FMN2: variants seen among roughly 807,000 people sequenced by gnomAD.
The protein encoded by FMN2 is formin-2.
FMN2 carries 51 observed loss-of-function variants against 142.3 expected under a neutral mutation model. That is an observed-to-expected ratio of 0.36 (90% CI 0.29 to 0.45). The LOEUF (loss-of-function observed/expected upper bound fraction) is 0.45, where lower values mean the gene tolerates loss of function less well. Ranked by LOEUF, FMN2 falls within the 20% of genes least tolerant of loss-of-function variation. The pLI, the probability that FMN2 is intolerant of heterozygous loss-of-function variation, is 1.00. For missense variants in FMN2, 1,936 were observed against 2,122.8 expected (o/e 0.91, Z 1.73); for synonymous variants, 882 against 869.8 (o/e 1.01, Z -0.25).
intron 11 of FMN2, among the ~76,000 whole-genome samples, chr1:240,333,180 T>G (rs888645333): frequency 6.6e-6 from 1 of 152,084 alleles, no homozygotes; most frequent in African/African-American, 2.4e-5. Flanking sequence ...AAAATAAAAA[T>G]TAATGCGCCT....
At chr1:240,346,030 A>G (rs1671897812) in intron 13 of FMN2, among the ~76,000 whole-genome samples, 1 of 152,162 alleles carries the variant, frequency 6.6e-6, no homozygotes, top group Admixed American at 6.6e-5. Context: ...AAAAATGGGT[A>G]AATCTTATTA....
intron 14 of FMN2, among the ~76,000 whole-genome samples, chr1:240,367,990 C>G (rs532025005): frequency 4.5e-4 from 68 of 152,112 alleles, no homozygotes; most frequent in Middle Eastern, 3.4e-3. Context: ...AAGGAATAAG[C>G]CGTTTTCTCT....
At chr1:240,312,190 C>T (rs192409286) in intron 8 of FMN2, among the ~76,000 whole-genome samples, 125 of 152,168 alleles carry the variant, frequency 8.2e-4, no homozygotes, top group African/African-American at 2.9e-3. Flanking sequence ...TCTTGTAGCC[C>T]TCTGCTCTCC....
chr1:240,346,028 G>T (rs1671897741), intron 13 of FMN2, among the ~76,000 whole-genome samples: 1 of 152,074 alleles, frequency 6.6e-6, no homozygotes, highest in Non-Finnish European at 1.5e-5. Flanking sequence ...TTAAAAATGG[G>T]TAAATCTTAT....
chr1:240,469,588 A>G (rs960590565), intron 16 of FMN2, among the ~76,000 whole-genome samples: 1 of 152,102 alleles, frequency 6.6e-6, no homozygotes, highest in Non-Finnish European at 1.5e-5. Context: ...CAACCTTTAT[A>G]TGTTATTCTT....
At chr1:240,366,985 C>T (rs2103063495) in intron 14 of FMN2, among the ~76,000 whole-genome samples, 1 of 152,334 alleles carries the variant, frequency 6.6e-6, no homozygotes, top group South Asian at 2.1e-4. Flanking sequence ...AGTGAATCTT[C>T]TGCCTCGGAG....
At chr1:240,373,793 T>G (rs949509594) in intron 14 of FMN2, among the ~76,000 whole-genome samples, 3 of 152,252 alleles carry the variant, frequency 2.0e-5, no homozygotes, top group Non-Finnish European at 1.5e-5. Context: ...TCTGTTAATG[T>G]TGATATTTTG....
At chr1:240,222,516 A>T (rs938871156) in intron 6 of FMN2, among the ~76,000 whole-genome samples, 26 of 141,844 alleles carry the variant, frequency 1.8e-4, no homozygotes, top group Admixed American at 7.6e-4. Context: ...TTTTTTTTTT[A>T]AATTCTGTGA....
chr1:240,144,354 G>C, intron 2 of FMN2: 1 of 1,606,118 alleles, frequency 6.2e-7, no homozygotes, highest in Non-Finnish European at 8.5e-7. Flanking sequence ...GGCACCTTGG[G>C]CTCCATGATG....
intron 3 of FMN2, among the ~76,000 whole-genome samples, chr1:240,187,772 T>G (rs940593511): frequency 2.6e-5 from 4 of 152,182 alleles, no homozygotes; most frequent in Admixed American, 6.5e-5. Context: ...TCGTTATCTC[T>G]TGTTGAAATC....
rs542054309 is a variant in FMN2 at position 240,394,738 on chromosome 1, C to T, written c.4910+2176C>T. On this transcript the variant is annotated intron_variant, in intron 15 of 17. Coordinates refer to ENST00000319653, the MANE Select transcript of FMN2 (RefSeq NM_020066.5). ...ATCCTAGCACTTTCGGAGCCCAAGA[C>T]GGGTGAATCACCTGAGGTCAGGACC... Among the ~76,000 whole-genome samples the T allele has an allele frequency of 6.7e-3, 1,021 of 152,164 alleles. 14 individuals are homozygous for T. Among genetic ancestry groups the T allele is most frequent in the African/African-American group, 0.024 (980 of 41,518 alleles).
chr1:240,152,768 G>C (rs1286130523), intron 2 of FMN2, among the ~76,000 whole-genome samples: 2 of 152,200 alleles, frequency 1.3e-5, no homozygotes, highest in Non-Finnish European at 1.5e-5. Flanking sequence ...GCCTGCCACT[G>C]TCTTGGCATT....
At chr1:240,378,009 T>C (rs1197039539) in intron 14 of FMN2, among the ~76,000 whole-genome samples, 1 of 152,120 alleles carries the variant, frequency 6.6e-6, no homozygotes, top group Admixed American at 6.6e-5. Context: ...AAAATGTGTT[T>C]CCCCACTCCT....
intron 15 of FMN2, among the ~76,000 whole-genome samples, chr1:240,421,258 G>A (rs915789706): frequency 6.6e-6 from 1 of 152,026 alleles, no homozygotes; most frequent in African/African-American, 2.4e-5. Context: ...TGAAAGGTGT[G>A]TACCTTTCAG....
At chr1:240,185,492 G>A (rs185658299) in intron 3 of FMN2, among the ~76,000 whole-genome samples, 4 of 152,298 alleles carry the variant, frequency 2.6e-5, no homozygotes, top group Admixed American at 6.5e-5. Context: ...TTCAGTTCAG[G>A]TAGCCATTGA....
chr1:240,397,650 C>T (rs932759939), intron 15 of FMN2, among the ~76,000 whole-genome samples: 5 of 151,808 alleles, frequency 3.3e-5, no homozygotes, highest in East Asian at 3.9e-4. Flanking sequence ...ATTAGCCAGG[C>T]GTGGTGGTAG....
intron 15 of FMN2, among the ~76,000 whole-genome samples, chr1:240,419,885 T>C (rs201756810): frequency 1.3e-5 from 2 of 152,074 alleles, no homozygotes; most frequent in East Asian, 3.9e-4. Flanking sequence ...CTCTTGCCCT[T>C]TTCTGTGGTC....
intron 7 of FMN2, among the ~76,000 whole-genome samples, chr1:240,274,446 G>T (rs1451423912): frequency 6.6e-6 from 1 of 152,094 alleles, no homozygotes; most frequent in African/African-American, 2.4e-5. Flanking sequence ...AGAGCACTCA[G>T]CGGGGAGAGA....
chr1:240,259,475 A>ATTC (rs1668552438), intron 7 of FMN2, among the ~76,000 whole-genome samples: 3 of 145,796 alleles, frequency 2.1e-5, no homozygotes, highest in African/African-American at 5.1e-5. Flanking sequence ...AGTCCCTTTG[A>ATTC]AACCCTGTAC....
Sources: gnomAD v4.1 joint callset for allele counts (sites outside exome capture counted in the v4.1 genomes callset) on GRCh38, gnomAD v4.1.1 for gene constraint, MANE v1.5 for transcripts, NCBI Gene and HGNC (gene_info 2026-07-23, HGNC 2026-07-21) for gene names.